PANK4: variants seen among roughly 807,000 people sequenced by gnomAD.
The protein encoded by PANK4 is pantothenate kinase 4 (inactive).
In PANK4, 40 loss-of-function variants were observed where a neutral mutation model predicts 87.9. The observed-to-expected ratio is 0.46, with a 90% CI of 0.35 to 0.59. The LOEUF is 0.59. PANK4 is among the 20% of genes least tolerant of loss of function. The pLI, the probability that PANK4 is intolerant of heterozygous loss-of-function variation, is 0.00. For missense variants in PANK4, 926 were observed against 1,072.3 expected (o/e 0.86, Z 1.90); for synonymous variants, 524 against 467.4 (o/e 1.12, Z -1.56).
Position 2,511,695 on chromosome 1 carries a change from A to G in PANK4, c.1728-12T>C, listed in dbSNP as rs1570532906. 1.9e-6 allele frequency: 3 copies of G among 1,573,522 alleles called. No homozygotes were observed. The highest frequency in any genetic ancestry group is 1.7e-5 in the Admixed American group (1 of 59,918). On this transcript the variant is annotated splice_polypyrimidine_tract_variant and intron_variant, in intron 13 of 18. Transcript: ENST00000378466. ...CGGATTCAAGGACACTGCATGGAGG[A>G]GGAGAAAAGAAAATTAAGACAACAG...
chr1:2,512,782 C>T (rs1028186106), intron 13 of PANK4, 106 bp downstream of exon 13: 29 of 1,139,790 alleles, frequency 2.5e-5, no homozygotes, highest in Admixed American at 7.8e-5. Context: ...AGCCACCAAG[C>T]GCCACGTGAC....
chr1:2,511,833 G>A (rs1334320016), intron 13 of PANK4, 150 bp from the exon 14 acceptor site: 2 of 649,914 alleles, frequency 3.1e-6, no homozygotes, highest in Admixed American at 2.2e-5. Context: ...TGGGACAGGG[G>A]CAGCTGCTCA....
chr1:2,511,277 G>A (rs1185670038), intron 15 of PANK4, 61 bp downstream of exon 15: 1 of 1,229,062 alleles, frequency 8.1e-7, no homozygotes, highest in South Asian at 1.2e-5. Flanking sequence ...TCCCTCCAGT[G>A]ACCACCCCCC....
intron 13 of PANK4, chr1:2,512,551 T>C (rs1643679038): frequency 3.1e-6 from 1 of 321,034 alleles, no homozygotes; most frequent in Non-Finnish European, 5.8e-6. Flanking sequence ...ACATCAGAAA[T>C]GTTTAATTCC....
At position 2,510,497 on chromosome 1, in the gene PANK4, G is replaced by A. The variant is rs1478107839; in HGVS notation, c.1938+181C>T. 1.6e-6 allele frequency: 1 copy of A among 616,284 alleles called. No homozygotes were observed. Among genetic ancestry groups the A allele is most frequent in the Non-Finnish European group, 2.9e-6 (1 of 346,794 alleles). The allele number at this position is 616,284 out of a possible 1,614,324, so 38.2% of individuals were successfully genotyped here. A position where few individuals can be genotyped will look rare whatever the true frequency, so the allele number is the denominator to read the frequency against. On this transcript the variant is annotated intron_variant, in intron 16 of 18. Coordinates refer to ENST00000378466, the MANE Select transcript of PANK4 (RefSeq NM_018216.4). The surrounding 1 kb of genome is among the most constrained non-coding windows in gnomAD (Gnocchi z 4.9). ...CATGGACCCTCAGCCTGAGCCCAGG[G>A]GGCTCGGAGCCTCCACCCCAGCAGA...
chr1:2,521,195 C>T lies in PANK4; in HGVS notation c.328G>A (p.Asp110Asn). ...YIEACLDFIK[D>N]HLVNTETKVI... Reference sequence around the variant, plus strand: ...TTGGTCTCTGTGTTGACGAGATGGTCTTTGATGAAGTCCAGGCAGGCTTCG... The same window carrying T: ...TTGGTCTCTGTGTTGACGAGATGGTTTTTGATGAAGTCCAGGCAGGCTTCG... The change falls in exon 3 of 19, where the codon GAC (aspartate) becomes AAC (asparagine). Residue 110 changes from aspartate to asparagine, a missense_variant. Transcript: ENST00000378466. 6.2e-7 allele frequency: 1 copy of T among 1,613,976 alleles called. No individual in the cohort carries two copies. Among genetic ancestry groups the T allele is most frequent in the Non-Finnish European group, 8.5e-7 (1 of 1,179,996 alleles).
rs771679837 is a variant in PANK4 at position 2,515,769 on chromosome 1, C to T, written c.1219-52G>A. 3.1e-5 allele frequency: 47 copies of T among 1,532,126 alleles called. No homozygotes were observed. Among genetic ancestry groups the T allele is most frequent in the South Asian group, 1.1e-4 (10 of 86,968 alleles). 94.9% of individuals were successfully genotyped at this position (1,532,126 alleles called of 1,614,324 possible). A position where few individuals can be genotyped will look rare whatever the true frequency, so the allele number is the denominator to read the frequency against. On this transcript the variant is annotated intron_variant, in intron 9 of 18. Transcript: ENST00000378466. This position sits in a 1 kb window ranked among gnomAD's most constrained non-coding sequence, Gnocchi z 5.0. ...AAACGTCACCATGGTTCAGAACGAC[C>T]CAAGCCACACTCAGAAGCTTCCACT...
chr1:2,518,448 C>T, intron 8 of PANK4, 68 bp downstream of exon 8: 4 of 1,399,434 alleles, frequency 2.9e-6, no homozygotes, highest in Non-Finnish European at 4.0e-6. Flanking sequence ...GCCGCCCTGG[C>T]CTGGAGCACA....
At position 2,508,876 on chromosome 1, in the gene PANK4, T is replaced by C. The variant is rs758497048; in HGVS notation, c.2293A>G (p.Ile765Val). 2 of 1,604,352 alleles carry C rather than the reference T, an allele frequency of 1.2e-6. No individual in the cohort carries two copies. The highest frequency in any genetic ancestry group is 2.2e-5 in the East Asian group (1 of 44,528). ...ERLGGRLFSV[I>V]FKYEVPAE Reference sequence around the variant, plus strand: ...TCGGCTGGGACCTCGTACTTGAAGATGACGCTGAAGAGCCGGCCGCCCAGC... The same window carrying C: ...TCGGCTGGGACCTCGTACTTGAAGACGACGCTGAAGAGCCGGCCGCCCAGC... Residue 765 changes from isoleucine (I) to valine (V), a missense_variant, in exon 19 of 19, where the codon ATC (isoleucine) becomes GTC (valine). Ile to Val is a conservative substitution (Grantham distance 29, BLOSUM62 3). Transcript: ENST00000378466. The surrounding 1 kb of genome is among the most constrained non-coding windows in gnomAD (Gnocchi z 5.1).
rs750398349 is a variant in PANK4, at chr1:2,519,807, C to G, written c.847G>C (p.Asp283His). The G allele has an allele frequency of 1.3e-6, 2 of 1,577,070 alleles. No homozygotes were observed. Among genetic ancestry groups the G allele is most frequent in the African/African-American group, 1.3e-5 (1 of 74,440 alleles). The change falls in exon 6 of 19, where the codon GAC (aspartate) becomes CAC (histidine). Residue 283 changes from aspartate (D) to histidine (H), a missense_variant. Transcript: ENST00000378466. This position sits in a 1 kb window ranked among gnomAD's most constrained non-coding sequence, Gnocchi z 8.3. The stretch of plus-strand genomic sequence containing the variant: ...CAGAGGCCGGGGTGAGCACCTTGGT[C>G]GGCGGTGGCCGACTTCCCGAAGCTG... ...ASSFGKSATA[D>H]QEFSKEDMAK...
In PANK4 at chr1:2,509,919, T is replaced by C. The variant is rs2494620; in HGVS notation, c.2051A>G (p.Gln684Arg). 432,279 of 1,610,640 alleles carry C rather than the reference T, an allele frequency of 0.27. 67,801 individuals are homozygous for C. Among genetic ancestry groups the C allele is most frequent in the African/African-American group, 0.66 (49,772 of 74,892 alleles). Reference protein sequence around the residue: ...GMDPVVHSALQEERLLLVQTG... With the variant: ...GMDPVVHSALREERLLLVQTG... Reference sequence around the variant, plus strand: ...CTGCACCAGCAGCAGCCTCTCTTCCTGGAGCGCAGAGCTGCCAGATACAAG... The same window carrying C: ...CTGCACCAGCAGCAGCCTCTCTTCCCGGAGCGCAGAGCTGCCAGATACAAG... Residue 684 changes from glutamine to arginine, a missense_variant, in exon 18 of 19, where the codon CAG (glutamine) becomes CGG (arginine). Transcript: ENST00000378466. This position sits in a 1 kb window ranked among gnomAD's most constrained non-coding sequence, Gnocchi z 4.9.
chr1:2,520,700 T>C lies in PANK4; in HGVS notation c.606+23A>G. 6.2e-7 allele frequency: 1 copy of C among 1,602,708 alleles called. No homozygotes were observed. The highest frequency in any genetic ancestry group is 1.1e-5 in the South Asian group (1 of 90,390). On this transcript the variant is annotated intron_variant, in intron 4 of 18. Coordinates refer to ENST00000378466, the MANE Select transcript of PANK4 (RefSeq NM_018216.4). This position sits in a 1 kb window ranked among gnomAD's most constrained non-coding sequence, Gnocchi z 6.2. The stretch of plus-strand genomic sequence containing the variant: ...AACTATGGCTAAACCATCCACTCAT[T>C]CATTCATGAAGCCGGGTCTTACCTT...
chr1:2,516,701 G>A (rs1643784517), intron 9 of PANK4, among the ~76,000 whole-genome samples: 1 of 152,194 alleles, frequency 6.6e-6, no homozygotes, highest in African/African-American at 2.4e-5. Context: ...GCCCATGCCG[G>A]GCAGAAGCTC....
At position 2,518,250 on chromosome 1, in the gene PANK4, T is replaced by C; in HGVS notation, c.1132A>G (p.Ser378Gly). The change falls in exon 9 of 19, where the codon AGC becomes GGC. Residue 378 changes from serine to glycine, a missense_variant. Coordinates refer to ENST00000378466, the MANE Select transcript of PANK4 (RefSeq NM_018216.4). The stretch of plus-strand genomic sequence containing the variant: ...CTGCCTGCATAGTTCTCTCCCCAGC[T>C]GTACTGGTTAGGATCTGGAAAGCAA... Reference protein sequence around the residue: ...GAEQDNPNQYSWGENYAGSSG... With the variant: ...GAEQDNPNQYGWGENYAGSSG... 6.2e-7 allele frequency: 1 copy of C among 1,611,468 alleles called. No individual in the cohort carries two copies. Among genetic ancestry groups the C allele is most frequent in the Non-Finnish European group, 8.5e-7 (1 of 1,179,150 alleles).
rs1164023262 is a variant in PANK4 at position 2,519,199 on chromosome 1, G to A, written c.979C>T (p.Arg327Trp). ...GTGCGCATGGTCACGGGGTGGCCCCGGATAAAGAAGCCTCCAAAGTACACG... is the reference window on the plus strand; with the variant it reads ...GTGCGCATGGTCACGGGGTGGCCCCAGATAAAGAAGCCTCCAAAGTACACG... ...DRVYFGGFFI[R>W]GHPVTMRTIT... is the part of the protein sequence containing the mutation. The change falls in exon 7 of 19, where the codon CGG becomes TGG. Residue 327 changes from arginine (R) to tryptophan (W), a missense_variant. Coordinates refer to ENST00000378466, the MANE Select transcript of PANK4 (RefSeq NM_018216.4). The surrounding 1 kb of genome is among the most constrained non-coding windows in gnomAD (Gnocchi z 8.3). 4.3e-6 allele frequency: 7 copies of A among 1,612,686 alleles called. No homozygotes were observed. The highest frequency in any genetic ancestry group is 1.3e-5 in the African/African-American group (1 of 74,916).
Position 2,515,491 on chromosome 1 carries a change from GC to G in PANK4, c.1374+70del. Reference sequence around the variant, plus strand: ...TGTCCCCCTTCGCCACCTTGGCTTTGCCCCCGGAGCCTTGGAAGGTTAACCC... The same window carrying G: ...TGTCCCCCTTCGCCACCTTGGCTTTGCCCCGGAGCCTTGGAAGGTTAACCC... On this transcript the variant is annotated intron_variant, in intron 10 of 18. Transcript: ENST00000378466. The surrounding 1 kb of genome is among the most constrained non-coding windows in gnomAD (Gnocchi z 5.0). The G allele has an allele frequency of 6.5e-7, 1 of 1,527,602 alleles. No homozygotes were observed. The highest frequency in any genetic ancestry group is 1.1e-5 in the South Asian group (1 of 89,328). 94.6% of individuals were successfully genotyped at this position (1,527,602 alleles called of 1,614,324 possible).
intron 13 of PANK4, chr1:2,512,648 G>A: frequency 1.8e-6 from 1 of 547,452 alleles, no homozygotes; most frequent in East Asian, 3.1e-5. Flanking sequence ...GGCCTCTGCG[G>A]CACCCATGCT....
In PANK4 at chr1:2,520,307, G is replaced by A. The variant is rs1476728368; in HGVS notation, c.699+15C>T. On this transcript the variant is annotated intron_variant, in intron 5 of 18. Coordinates refer to ENST00000378466, the MANE Select transcript of PANK4 (RefSeq NM_018216.4). This position sits in a 1 kb window ranked among gnomAD's most constrained non-coding sequence, Gnocchi z 6.2. Reference sequence around the variant, plus strand: ...TCCGCAGACCCCTGGAAGGTCTCTGGCAGCTGCCGCATACCTTCGTTTTGG... The same window carrying A: ...TCCGCAGACCCCTGGAAGGTCTCTGACAGCTGCCGCATACCTTCGTTTTGG... 6.2e-7 allele frequency: 1 copy of A among 1,609,958 alleles called. No individual in the cohort carries two copies. The highest frequency in any genetic ancestry group is 2.2e-5 in the East Asian group (1 of 44,870).
chr1:2,513,091 C>T (rs777909495), intron 12 of PANK4, 52 bp from the exon 13 acceptor site: 4 of 1,533,178 alleles, frequency 2.6e-6, no homozygotes, highest in African/African-American at 1.4e-5. Flanking sequence ...CCTCAGCCCA[C>T]CCTGGACACC....
Sources: gnomAD v4.1 joint callset for allele counts (sites outside exome capture counted in the v4.1 genomes callset) on GRCh38, gnomAD v4.1.1 for gene constraint, Gnocchi (gnomAD v3.1) non-coding constraint, MANE v1.5 for transcripts, NCBI Gene and HGNC (gene_info 2026-07-23, HGNC 2026-07-21) for gene names.